MEGF6: variants seen among roughly 807,000 people sequenced by gnomAD.
The protein encoded by MEGF6 is multiple epidermal growth factor-like domains protein 6.
MEGF6 carries 184 observed loss-of-function variants against 207.1 expected under a neutral mutation model. The ratio of observed to expected loss-of-function variants is 0.89; its 90% CI spans 0.79 to 1.00. The LOEUF is 1.00. Ranked by LOEUF, MEGF6 falls within the 50% of genes least tolerant of loss-of-function variation. The pLI, the probability that MEGF6 is intolerant of heterozygous loss-of-function variation, is 0.00. For missense variants in MEGF6, 2,282 were observed against 2,202.9 expected, an observed-to-expected ratio of 1.04 and a Z score of -0.72; for synonymous variants, 1,038 against 910.0, an observed-to-expected ratio of 1.14 and a Z score of -2.53.
At chr1:3,572,022 G>A (rs1198069566) in intron 4 of MEGF6, among the ~76,000 whole-genome samples, 4 of 137,210 alleles carry the variant, frequency 2.9e-5, no homozygotes, top group African/African-American at 1.1e-4. Flanking sequence ...CTTCCTGAGT[G>A]TGCTAGGTCC....
chr1:3,544,045 G>A (rs918843432), intron 4 of MEGF6, among the ~76,000 whole-genome samples: 2 of 152,178 alleles, frequency 1.3e-5, no homozygotes, highest in Non-Finnish European at 2.9e-5. Flanking sequence ...GAGCCTCTGC[G>A]CGCCGCACCA....
intron 4 of MEGF6, among the ~76,000 whole-genome samples, chr1:3,535,251 G>A (rs986693399): frequency 4.6e-5 from 7 of 152,186 alleles, no homozygotes; most frequent in Non-Finnish European, 7.3e-5. Flanking sequence ...CCAGGGAACA[G>A]CTGTCACAGC....
In MEGF6 at chr1:3,500,712, G is replaced by A. The variant is rs1412853886; in HGVS notation, c.2628C>T (p.Ser876=). 1.1e-5 allele frequency: 17 copies of A among 1,593,650 alleles called. No individual in the cohort carries two copies. Among genetic ancestry groups the A allele is most frequent in the East Asian group, 9.2e-5 (4 of 43,674 alleles). Residue 876 remains serine, a synonymous_variant, in exon 21 of 37, where the codon AGC becomes AGT. Coordinates refer to ENST00000356575, the MANE Select transcript of MEGF6 (RefSeq NM_001409.4). ...GPDCSHPCNC[S]AGHGSCDAIS... is the part of the protein sequence containing the mutation. The stretch of plus-strand genomic sequence containing the variant: ...TGGCATCACAGCTCCCGTGGCCAGC[G>A]CTGCAGTTGCAGGGGTGGCTGCAGT...
intron 4 of MEGF6, among the ~76,000 whole-genome samples, chr1:3,551,270 T>G (rs1014388015): frequency 6.6e-6 from 1 of 152,202 alleles, no homozygotes; most frequent in Non-Finnish European, 1.5e-5. Context: ...GGTGTCAGCC[T>G]GCTCCTGCGT....
At chr1:3,493,001 G>A (rs1029772639) in intron 34 of MEGF6, 2 of 574,166 alleles carry the variant, frequency 3.5e-6, no homozygotes, top group African/African-American at 1.9e-5. Context: ...AGAAAGCCCA[G>A]GCCCCAGGCA....
intron 4 of MEGF6, among the ~76,000 whole-genome samples, chr1:3,530,925 C>G (rs1467393931): frequency 1.3e-5 from 2 of 152,226 alleles, no homozygotes; most frequent in Non-Finnish European, 2.9e-5. Context: ...GACCCTGTCC[C>G]AGAAGCAGGC....
At chr1:3,554,292 G>A (rs908802375) in intron 4 of MEGF6, among the ~76,000 whole-genome samples, 3 of 152,284 alleles carry the variant, frequency 2.0e-5, no homozygotes, top group East Asian at 1.9e-4. Context: ...CCGACCAGGC[G>A]GCTCCGAGAG....
chr1:3,527,318 A>G (rs907346650), intron 4 of MEGF6, among the ~76,000 whole-genome samples: 4 of 152,158 alleles, frequency 2.6e-5, no homozygotes, highest in Admixed American at 6.5e-5. Context: ...CCTGCCACCT[A>G]TGGAAACCCT....
At chr1:3,562,692 C>A (rs551125793) in intron 4 of MEGF6, among the ~76,000 whole-genome samples, 37 of 152,356 alleles carry the variant, frequency 2.4e-4, no homozygotes, top group African/African-American at 8.4e-4. Context: ...GTCGGAGAGC[C>A]ACTACCAGGC....
upstream of MEGF6, among the ~76,000 whole-genome samples, chr1:3,615,635 A>G (rs965551059): frequency 3.3e-5 from 5 of 152,220 alleles, no homozygotes; most frequent in South Asian, 2.1e-4. Context: ...ATGGAGGTCT[A>G]TATTAGACCC....
At chr1:3,516,086 C>T (rs1258109515) in intron 5 of MEGF6, among the ~76,000 whole-genome samples, 7 of 152,236 alleles carry the variant, frequency 4.6e-5, no homozygotes, top group Middle Eastern at 3.2e-3. Flanking sequence ...CCTACCCACC[C>T]CAGGCCAGGC....
intron 4 of MEGF6, among the ~76,000 whole-genome samples, chr1:3,545,465 A>G (rs1176532573): frequency 1.3e-5 from 2 of 152,104 alleles, no homozygotes; most frequent in African/African-American, 4.8e-5. Flanking sequence ...TCCAGCTCCA[A>G]CGTGTGGAGG....
intron 3 of MEGF6, among the ~76,000 whole-genome samples, chr1:3,582,875 G>T (rs761308734): frequency 1.9e-4 from 29 of 152,160 alleles, no homozygotes; most frequent in African/African-American, 6.0e-4. Context: ...CTGTGATTAG[G>T]CACTCAGTTG....
At position 3,514,566 on chromosome 1, in the gene MEGF6, G is replaced by A. The variant is rs749669401; in HGVS notation, c.837C>T (p.Asp279=). ...GCGTCCTACCTTCACAGGCCTTGCC[G>A]TCCGCTGCTAGCTGATAGCCCACGT... The part of the protein sequence containing the change: ...ECHVGYQLAA[D]GKACEDVDEC... Residue 279 remains aspartate (D), a synonymous_variant, in exon 7 of 37, where the codon GAC becomes GAT. Transcript: ENST00000356575. The A allele has an allele frequency of 2.6e-4, 415 of 1,590,596 alleles. No individual in the cohort carries two copies. Among genetic ancestry groups the A allele is most frequent in the South Asian group, 8.0e-4 (70 of 87,900 alleles).
chr1:3,543,684 G>T (rs1042780497), intron 4 of MEGF6, among the ~76,000 whole-genome samples: 1 of 152,238 alleles, frequency 6.6e-6, no homozygotes, highest in Admixed American at 6.5e-5. Context: ...CTCCTGGCTG[G>T]CCCCGGGTCA....
intron 4 of MEGF6, among the ~76,000 whole-genome samples, chr1:3,563,126 C>A (rs140027435): frequency 9.7e-4 from 148 of 152,298 alleles, no homozygotes; most frequent in African/African-American, 3.1e-3. Context: ...GCCCCTGCCC[C>A]CTGTGTGCAA....
chr1:3,516,130 G>A (rs1641533922), intron 5 of MEGF6, among the ~76,000 whole-genome samples: 1 of 152,228 alleles, frequency 6.6e-6, no homozygotes, highest in South Asian at 2.1e-4. Context: ...CATTGCCCAT[G>A]CCCCCATTCC....
At chr1:3,533,125 G>C (rs1157957129) in intron 4 of MEGF6, among the ~76,000 whole-genome samples, 1 of 152,234 alleles carries the variant, frequency 6.6e-6, no homozygotes, top group Non-Finnish European at 1.5e-5. Context: ...ATGTGGCAGA[G>C]ACAGTCTCTG....
chr1:3,497,328 G>A lies in MEGF6; in HGVS notation c.3386C>T (p.Ala1129Val). 5.8e-6 allele frequency: 9 copies of A among 1,553,114 alleles called. No individual in the cohort carries two copies. Among genetic ancestry groups the A allele is most frequent in the South Asian group, 1.2e-5 (1 of 82,446 alleles). Residue 1129 changes from alanine (A) to valine (V), a missense_variant, in exon 27 of 37, where the codon GCC (alanine) becomes GTC (valine). Ala to Val is a moderately conservative substitution (Grantham distance 64, BLOSUM62 0). Transcript: ENST00000356575. ...GCCAGGCGGGCAGCTGCAGCGCTGG[G>A]CACAGGCCTCTCCAAACCAGCCCCG... is the stretch of plus-strand genomic sequence containing the variant. The part of the protein sequence containing the change: ...CLRGWFGEAC[A>V]QRCSCPPGAA...
Sources: gnomAD v4.1 joint callset for allele counts (sites outside exome capture counted in the v4.1 genomes callset) on GRCh38, gnomAD v4.1.1 for gene constraint, MANE v1.5 for transcripts, NCBI Gene and HGNC (gene_info 2026-07-23, HGNC 2026-07-21) for gene names.